NLRP4: variants seen among roughly 807,000 people sequenced by gnomAD.
NLRP4 encodes NLR family pyrin domain containing 4.
Under a neutral mutation model 84.7 loss-of-function variants are expected in NLRP4, and 44 were observed. The ratio of observed to expected loss-of-function variants is 0.52; its 90% CI spans 0.41 to 0.67. The LOEUF (loss-of-function observed/expected upper bound fraction) is 0.67, where lower values mean the gene tolerates loss of function less well. Ranked by LOEUF, NLRP4 falls within the 30% of genes least tolerant of loss-of-function variation. NLRP4 has a pLI of 0.00. For synonymous variants in NLRP4, 544 were observed against 476.4 expected (o/e 1.14, Z -1.85); for missense variants, 1,260 against 1,219.4 (o/e 1.03, Z -0.50).
rs375979699 is a variant in NLRP4, at chr19:55,861,513, C to T, written c.1984C>T (p.Leu662=). 1 of 1,614,018 alleles carries T rather than the reference C, an allele frequency of 6.2e-7. No individual in the cohort carries two copies. The highest frequency in any genetic ancestry group is 1.3e-5 in the African/African-American group (1 of 74,928). The change falls in exon 4 of 10, where the codon CTG becomes TTG. Residue 662 remains leucine, a synonymous_variant. Coordinates refer to ENST00000301295, the MANE Select transcript of NLRP4 (RefSeq NM_134444.5). ...ESTFVTWCNQ[L]RHPSCRLQKL... ...GACCTTTGTGACCTGGTGTAACCAGCTGAGGCATCCCAGCTGTCGCCTTCA... is the reference window on the plus strand; with the variant it reads ...GACCTTTGTGACCTGGTGTAACCAGTTGAGGCATCCCAGCTGTCGCCTTCA...
At chr19:55,857,374 G>T in intron 2 of NLRP4, 17 of 389,232 alleles carry the variant, frequency 4.4e-5, no homozygotes, top group Non-Finnish European at 5.9e-5. Context: ...GAAAGCAGAA[G>T]TTGTCAACCT....
chr19:55,844,799 G>C (rs184801568), intron 1 of NLRP4, among the ~76,000 whole-genome samples: 1 of 152,210 alleles, frequency 6.6e-6, no homozygotes, highest in East Asian at 1.9e-4. Flanking sequence ...TGTAACTTTT[G>C]CAGGGGGACA....
At chr19:55,849,913 A>G (rs73935423) in intron 1 of NLRP4, among the ~76,000 whole-genome samples, 4,884 of 83,018 alleles carry the variant, frequency 0.059, 668 homozygotes, top group African/African-American at 0.19. Context: ...TAATTTCCGT[A>G]GCCGCGGTGT....
Position 55,858,753 on chromosome 19 carries a change from T to C in NLRP4, c.1360T>C (p.Cys454Arg). Residue 454 changes from cysteine (C) to arginine (R), a missense_variant, in exon 3 of 10, where the codon TGT becomes CGT. Cys to Arg is a radical substitution (Grantham distance 180). Transcript: ENST00000301295. This position sits in a 1 kb window ranked among gnomAD's most constrained non-coding sequence, Gnocchi z 4.2. The stretch of plus-strand genomic sequence containing the variant: ...GAGCTCCTACGTGTTCCTCCACGTG[T>C]GTATCCAGGAGTTCTGTGCCGCCTT... ...RESSYVFLHV[C>R]IQEFCAALFY... is the part of the protein sequence containing the mutation. The C allele has an allele frequency of 6.2e-7, 1 of 1,614,222 alleles. No homozygotes were observed. The highest frequency in any genetic ancestry group is 8.5e-7 in the Non-Finnish European group (1 of 1,180,026).
At chr19:55,847,210 T>C (rs909657345) in intron 1 of NLRP4, among the ~76,000 whole-genome samples, 2 of 152,212 alleles carry the variant, frequency 1.3e-5, no homozygotes, top group African/African-American at 4.8e-5. Context: ...CAGCTTTATT[T>C]TTATTTTCCA....
At chr19:55,851,751 C>CGAGGCTGCGGTGTAATTTCCG in intron 1 of NLRP4, among the ~76,000 whole-genome samples, 1 of 152,016 alleles carries the variant, frequency 6.6e-6, no homozygotes, top group African/African-American at 2.4e-5. Context: ...GTGTAATTTC[C>CGAGGCTGCGGTGTAATTTCCG]AAAAATGTAA....
Position 55,881,474 on chromosome 19 carries a change from A to G in NLRP4, c.2872A>G (p.Arg958Gly). The change falls in exon 10 of 10, where the codon AGA (arginine) becomes GGA (glycine). Residue 958 changes from arginine (R) to glycine (G), a missense_variant. Physicochemically the swap from Arg to Gly is moderately radical, Grantham distance 125 (BLOSUM62 -2). Coordinates refer to ENST00000301295, the MANE Select transcript of NLRP4 (RefSeq NM_134444.5). ...CCTCTTAAAATATTTTACCAGGCTG[A>G]GAAAAACTGATTTTGATGAGGAAAC... The part of the protein sequence containing the change: ...PECALQVLGL[R>G]KTDFDEETQA... 2 of 1,549,288 alleles carry G rather than the reference A, an allele frequency of 1.3e-6. No homozygotes were observed. Among genetic ancestry groups the G allele is most frequent in the East Asian group, 2.2e-5 (1 of 44,532 alleles).
At chr19:55,847,714 T>C (rs2123003615) in intron 1 of NLRP4, among the ~76,000 whole-genome samples, 1 of 146,288 alleles carries the variant, frequency 6.8e-6, no homozygotes, top group South Asian at 2.2e-4. Flanking sequence ...TTACCTAATA[T>C]CCTTTTTTTT....
intron 8 of NLRP4, among the ~76,000 whole-genome samples, chr19:55,878,391 G>T (rs1157801811): frequency 6.6e-6 from 1 of 152,198 alleles, no homozygotes; most frequent in Non-Finnish European, 1.5e-5. Flanking sequence ...CTGCACTTCA[G>T]CCAGGATGAC....
rs1254897131 is a variant in NLRP4, at chr19:55,878,918, C to T, written c.2821C>T (p.Leu941Phe). 1.2e-6 allele frequency: 2 copies of T among 1,613,916 alleles called. No individual in the cohort carries two copies. Among genetic ancestry groups the T allele is most frequent in the Admixed American group, 1.7e-5 (1 of 60,018 alleles). The change falls in exon 9 of 10, where the codon CTC becomes TTC. Residue 941 changes from leucine (L) to phenylalanine (F), a missense_variant. Around this residue, in one of 3 missense-constraint regions of NLRP4, gnomAD observed 544 missense variants for 531.7 expected, o/e 1.02. Transcript: ENST00000301295. ...NTLDHTGVVV[L>F]CEALRHPECA... ...CTTGGACCACACAGGGGTGGTTGTA[C>T]TCTGTGAGGCCCTGAGACACCCAGA...
rs770048909 is a variant in NLRP4, at chr19:55,858,063, G to A, written c.670G>A (p.Glu224Lys). ...TATAACAGAGATCGTGTCTCAACCG[G>A]AGAGACTCTTGTTCGTCATCGACAG... Reference protein sequence around the residue: ...APITEIVSQPERLLFVIDSFE... With the variant: ...APITEIVSQPKRLLFVIDSFE... Residue 224 changes from glutamate to lysine, a missense_variant, in exon 3 of 10, where the codon GAG becomes AAG. Physicochemically the swap from Glu to Lys is moderately conservative, Grantham distance 56. This residue lies in a region of NLRP4 where 712 missense variants were observed against 669.2 expected (regional missense o/e 1.06). Coordinates refer to ENST00000301295, the MANE Select transcript of NLRP4 (RefSeq NM_134444.5). The surrounding 1 kb of genome is among the most constrained non-coding windows in gnomAD (Gnocchi z 4.2). 6.2e-7 allele frequency: 1 copy of A among 1,614,178 alleles called. No individual in the cohort carries two copies. Among genetic ancestry groups the A allele is most frequent in the Non-Finnish European group, 8.5e-7 (1 of 1,180,032 alleles).
intron 9 of NLRP4, among the ~76,000 whole-genome samples, chr19:55,880,697 G>T (rs1392945410): frequency 6.6e-6 from 1 of 152,118 alleles, no homozygotes; most frequent in African/African-American, 2.4e-5. Context: ...ATACGTAAAA[G>T]GAAGGACCAA....
intron 1 of NLRP4, among the ~76,000 whole-genome samples, chr19:55,838,287 AG>A (rs759586514): frequency 6.6e-6 from 1 of 151,582 alleles, no homozygotes; most frequent in Non-Finnish European, 1.5e-5. Context: ...GGGCAACAAG[AG>A]TGAAACTCCA....
intron 3 of NLRP4, 59 bp downstream of exon 3, chr19:55,859,308 G>T: frequency 2.1e-6 from 3 of 1,408,862 alleles, no homozygotes; most frequent in Non-Finnish European, 1.9e-6. Flanking sequence ...TCCCAAGTGG[G>T]TTTTGCTGAG....
Position 55,861,377 on chromosome 19 carries a change from T to C in NLRP4, c.1857-9T>C, listed in dbSNP as rs1388758530. ...TGCCTGTGGAAAGCTCGTCCTTTCT[T>C]GACCACAGGTCGGATTACAGCCTCA... On this transcript the variant is annotated splice_polypyrimidine_tract_variant and intron_variant, in intron 3 of 9. Transcript: ENST00000301295. 2 of 1,611,894 alleles carry C rather than the reference T, an allele frequency of 1.2e-6. No homozygotes were observed. Among genetic ancestry groups the C allele is most frequent in the Non-Finnish European group, 1.7e-6 (2 of 1,178,632 alleles).
intron 2 of NLRP4, among the ~76,000 whole-genome samples, chr19:55,854,723 AT>A (rs1045504127): frequency 1.9e-4 from 29 of 151,072 alleles, no homozygotes; most frequent in Non-Finnish European, 3.5e-4. Flanking sequence ...TCCCAGTCCA[AT>A]TTTTTTTTCT....
intron 1 of NLRP4, among the ~76,000 whole-genome samples, chr19:55,843,160 A>G (rs1255608355): frequency 2.0e-5 from 3 of 152,082 alleles, no homozygotes; most frequent in Non-Finnish European, 2.9e-5. Context: ...TTTCTGTAGC[A>G]CCTGATCAGG....
At chr19:55,846,784 G>A (rs1983812303) in intron 1 of NLRP4, among the ~76,000 whole-genome samples, 1 of 152,044 alleles carries the variant, frequency 6.6e-6, no homozygotes, top group African/African-American at 2.4e-5. Flanking sequence ...TCAGATACAT[G>A]TTCCTATAAT....
At chr19:55,837,339 G>A (rs1000241939) in intron 1 of NLRP4, among the ~76,000 whole-genome samples, 3 of 152,002 alleles carry the variant, frequency 2.0e-5, no homozygotes, top group Non-Finnish European at 4.4e-5. Context: ...CAGTGTATAT[G>A]TACCCCTGAA....
Sources: gnomAD v4.1 joint callset for allele counts (sites outside exome capture counted in the v4.1 genomes callset) on GRCh38, gnomAD v4.1.1 for gene constraint, gnomAD v4.1.1 regional missense constraint, Gnocchi (gnomAD v3.1) non-coding constraint, MANE v1.5 for transcripts, NCBI Gene and HGNC (gene_info 2026-07-23, HGNC 2026-07-21) for gene names.